GHRL: variants seen among roughly 807,000 people sequenced by gnomAD.
GHRL encodes appetite-regulating hormone.
Under a neutral mutation model 16.9 loss-of-function variants are expected in GHRL, and 24 were observed. The ratio of observed to expected loss-of-function variants is 1.42; its 90% CI spans 1.03 to 2.00. The LOEUF (loss-of-function observed/expected upper bound fraction) is 2.00. GHRL is among the 30% of genes most tolerant of loss of function. The pLI is 0.00. For missense variants in GHRL, 193 were observed against 142.1 expected, an observed-to-expected ratio of 1.36 and a Z score of -1.82; for synonymous variants, 63 against 58.2, an observed-to-expected ratio of 1.08 and a Z score of -0.37.
chr3:10,292,882 G>T lies in GHRL; in HGVS notation c.-806C>A. ...CTCTCCGGGCACAGCTGCCAATGTT[G>T]ATCTTAGATAAGACCACCAGCAAGT... is the stretch of plus-strand genomic sequence containing the variant. On this transcript the variant is annotated 5_prime_UTR_variant, in exon 1 of 6. The change creates a premature stop within an existing upstream ORF in the 5' untranslated region. Coordinates refer to ENST00000335542, the MANE Select transcript of GHRL (RefSeq NM_016362.5). 6.5e-7 allele frequency: 1 copy of T among 1,549,250 alleles called. No homozygotes were observed. The highest frequency in any genetic ancestry group is 8.7e-7 in the Non-Finnish European group (1 of 1,145,550).
intron 5 of GHRL, 52 bp downstream of exon 5, chr3:10,286,651 TC>T: frequency 1.1e-6 from 1 of 914,628 alleles, no homozygotes; most frequent in Non-Finnish European, 1.8e-6. Flanking sequence ...CAGAGTGAAC[TC>T]CCATGTGGGG....
In GHRL at chr3:10,285,697, G is replaced by A. The variant is rs980551343; in HGVS notation, c.*178C>T. 1.4e-5 allele frequency: 8 copies of A among 556,270 alleles called. No homozygotes were observed. The African/African-American group carries it at 1.5e-4, about 11-fold the overall frequency. The allele number at this position is 556,270 out of a possible 1,614,324, so 34.5% of individuals were successfully genotyped here. A position where few individuals can be genotyped will look rare whatever the true frequency, so the allele number is the denominator to read the frequency against. Reference sequence around the variant, plus strand: ...TTTGTATTATTTTGATTTTTTTAAAGTAAAATATTAACTTTTCCTCTTTGA... The same window carrying A: ...TTTGTATTATTTTGATTTTTTTAAAATAAAATATTAACTTTTCCTCTTTGA... On this transcript the variant is annotated 3_prime_UTR_variant, in exon 6 of 6. Transcript: ENST00000335542.
chr3:10,290,154 G>T lies in GHRL; in HGVS notation c.27C>A (p.Ser9Arg). 2.5e-6 allele frequency: 4 copies of T among 1,612,712 alleles called. No individual in the cohort carries two copies. Among genetic ancestry groups the T allele is most frequent in the Non-Finnish European group, 3.4e-6 (4 of 1,179,738 alleles). Residue 9 changes from serine (S) to arginine (R), a missense_variant, in exon 3 of 6, where the codon AGC becomes AGA. Physicochemically the swap from Ser to Arg is moderately radical, Grantham distance 110. Transcript: ENST00000335542. Reference sequence around the variant, plus strand: ...GCCAGAGCATGCCGAGGAGCAGGAGGCTGCAGACGGTCCCTGGGGAGGGCA... The same window carrying T: ...GCCAGAGCATGCCGAGGAGCAGGAGTCTGCAGACGGTCCCTGGGGAGGGCA... MPSPGTVCSLLLLGMLWLD... is the reference protein window; with the variant it reads MPSPGTVCRLLLLGMLWLD...
intron 1 of GHRL, 102 bp from the exon 2 acceptor site, chr3:10,291,553 G>A (rs1700024202): frequency 2.7e-6 from 2 of 754,636 alleles, no homozygotes; most frequent in South Asian, 1.2e-4. Flanking sequence ...GTCTTTGAGG[G>A]TGAAATGAGG....
rs1334521160 is a variant in GHRL, at chr3:10,290,130, C to T, written c.51G>A (p.Trp17Ter). 6.2e-7 allele frequency: 1 copy of T among 1,613,386 alleles called. No homozygotes were observed. Among genetic ancestry groups the T allele is most frequent in the Admixed American group, 1.7e-5 (1 of 59,978 alleles). ...TGGAGCCTGCCATGGCCAAGTCCAG[C>T]CAGAGCATGCCGAGGAGCAGGAGGC... Reference protein sequence around the residue: ...VCSLLLLGMLWLDLAMAGSSF... With the variant: ...VCSLLLLGML Residue 17 changes from tryptophan to a stop codon, truncating the protein, a stop_gained, in exon 3 of 6, where the codon TGG becomes TGA. Coordinates refer to ENST00000335542, the MANE Select transcript of GHRL (RefSeq NM_016362.5). LOFTEE classifies it high-confidence loss of function.
At position 10,289,862 on chromosome 3, in the gene GHRL, T is replaced by C. The variant is rs2125211971; in HGVS notation, c.125A>G (p.Lys42Arg). 1 of 1,612,924 alleles carries C rather than the reference T, an allele frequency of 6.2e-7. No individual in the cohort carries two copies. The highest frequency in any genetic ancestry group is 2.2e-5 in the East Asian group (1 of 44,860). ...GGGCTGCAGCTTGGCTGGTGGCTTCTTCGACTCCTTTCTCTGCTGGAAGGG... is the reference window on the plus strand; with the variant it reads ...GGGCTGCAGCTTGGCTGGTGGCTTCCTCGACTCCTTTCTCTGCTGGAAGGG... ...HQRVQQRKES[K>R]KPPAKLQPRA... Residue 42 changes from lysine (K) to arginine (R), a missense_variant, in exon 4 of 6, where the codon AAG becomes AGG. Coordinates refer to ENST00000335542, the MANE Select transcript of GHRL (RefSeq NM_016362.5).
In GHRL at chr3:10,286,816, G is replaced by C; in HGVS notation, c.226-4C>G. 2 of 1,580,644 alleles carry C rather than the reference G, an allele frequency of 1.3e-6. No individual in the cohort carries two copies. Among genetic ancestry groups the C allele is most frequent in the Non-Finnish European group, 1.7e-6 (2 of 1,149,478 alleles). On this transcript the variant is annotated splice_region_variant and splice_polypyrimidine_tract_variant and intron_variant, in intron 4 of 5. Coordinates refer to ENST00000335542, the MANE Select transcript of GHRL (RefSeq NM_016362.5). ...CAACATCAAAGGGGGCGTTGAACTA[G>C]GAGGCAGGGCAGGGAGGACCCAGGA... is the stretch of plus-strand genomic sequence containing the variant.
At position 10,291,105 on chromosome 3, in the gene GHRL, G is replaced by A. The variant is rs1358038852; in HGVS notation, c.-419C>T. 2.0e-6 allele frequency: 2 copies of A among 985,634 alleles called. No homozygotes were observed. The highest frequency in any genetic ancestry group is 3.5e-5 in the African/African-American group (2 of 57,238). The allele number at this position is 985,634 out of a possible 1,614,324, so 61.1% of individuals were successfully genotyped here. On this transcript the variant is annotated 5_prime_UTR_variant, in exon 2 of 6. Transcript: ENST00000335542. ...GGGTAAAATGAGGCTGTCATCACTA[G>A]GAGAGCTCTGAGACCTCCCCAGTCC...
chr3:10,292,346 G>C (rs1458691651), intron 1 of GHRL: 1 of 163,578 alleles, frequency 6.1e-6, no homozygotes, highest in Non-Finnish European at 1.3e-5. Context: ...CGCTGAACAG[G>C]ATGGAATTGG....
At chr3:10,286,647 G>T in intron 5 of GHRL, 57 bp downstream of exon 5, 1 of 881,208 alleles carries the variant, frequency 1.1e-6, no homozygotes, top group South Asian at 1.3e-5. Flanking sequence ...CCCACAGAGT[G>T]AACTCCCATG....
intron 4 of GHRL, chr3:10,287,970 C>G (rs796716791): frequency 6.9e-6 from 1 of 144,102 alleles, no homozygotes; most frequent in Non-Finnish European, 1.5e-5. Context: ...CCATTCCCTC[C>G]AGTAAATACT....
Position 10,290,705 on chromosome 3 carries a change from A to G in GHRL, c.-30+11T>C, listed in dbSNP as rs1380807578. The G allele has an allele frequency of 2.0e-6, 2 of 1,005,022 alleles. No homozygotes were observed. Among genetic ancestry groups the G allele is most frequent in the East Asian group, 9.5e-5 (1 of 10,544 alleles). 62.3% of individuals were successfully genotyped at this position (1,005,022 alleles called of 1,614,324 possible). A position where few individuals can be genotyped will look rare whatever the true frequency, so the allele number is the denominator to read the frequency against. On this transcript the variant is annotated intron_variant, in intron 2 of 5. Coordinates refer to ENST00000335542, the MANE Select transcript of GHRL (RefSeq NM_016362.5). ...GTCAGCAAACGCACACGGAGAGTAGAGAGAGCTTACCTGCAGTTCCTGGCG... is the reference window on the plus strand; with the variant it reads ...GTCAGCAAACGCACACGGAGAGTAGGGAGAGCTTACCTGCAGTTCCTGGCG...
rs565574685 is a variant in GHRL at position 10,291,224 on chromosome 3, C to A, written c.-538G>T. The A allele has an allele frequency of 4.1e-6, 4 of 985,430 alleles. No individual in the cohort carries two copies. The African/African-American group carries it at 7.0e-5, about 17-fold the overall frequency. 61.0% of individuals were successfully genotyped at this position (985,430 alleles called of 1,614,324 possible). A position where few individuals can be genotyped will look rare whatever the true frequency, so the allele number is the denominator to read the frequency against. On this transcript the variant is annotated 5_prime_UTR_variant, in exon 2 of 6. Coordinates refer to ENST00000335542, the MANE Select transcript of GHRL (RefSeq NM_016362.5). ...CCAGGCTGGTGATTCTACACCTTCC[C>A]GAGGAGGAGTCCCACCTCCCGGTTG...
chr3:10,291,161 T>A lies in GHRL; in HGVS notation c.-475A>T. On this transcript the variant is annotated 5_prime_UTR_variant, in exon 2 of 6. Coordinates refer to ENST00000335542, the MANE Select transcript of GHRL (RefSeq NM_016362.5). ...CCCGTTGTTTCCCATGTGCTGTTGC[T>A]GCTCTGGCCTCTGTGAGCCCCGGGA... is the stretch of plus-strand genomic sequence containing the variant. 2.0e-6 allele frequency: 2 copies of A among 985,680 alleles called. No individual in the cohort carries two copies. Among genetic ancestry groups the A allele is most frequent in the Non-Finnish European group, 1.2e-6 (1 of 830,092 alleles). The allele number at this position is 985,680 out of a possible 1,614,324, so 61.1% of individuals were successfully genotyped here. A position where few individuals can be genotyped will look rare whatever the true frequency, so the allele number is the denominator to read the frequency against.
At chr3:10,290,009 C>T (rs1699724962) in intron 3 of GHRL, 64 bp downstream of exon 3, 1 of 1,588,786 alleles carries the variant, frequency 6.3e-7, no homozygotes, top group African/African-American at 1.3e-5. Flanking sequence ...TGCTCCAGGT[C>T]ACAGAGCTGG....
At chr3:10,289,977 T>C in intron 3 of GHRL, 96 bp downstream of exon 3, 1 of 1,522,808 alleles carries the variant, frequency 6.6e-7, no homozygotes, top group Non-Finnish European at 9.1e-7. Flanking sequence ...GGGAGAAGAC[T>C]GAAGCCCAGA....
intron 3 of GHRL, 86 bp from the exon 4 acceptor site, chr3:10,289,964 T>C (rs1699718825): frequency 6.6e-7 from 1 of 1,511,420 alleles, no homozygotes; most frequent in Non-Finnish European, 9.1e-7. Flanking sequence ...TCCTTTGTGC[T>C]CTGGGAGAAG....
intron 2 of GHRL, 70 bp downstream of exon 2, chr3:10,290,646 A>T: frequency 1.2e-6 from 1 of 805,954 alleles, no homozygotes; most frequent in Non-Finnish European, 1.5e-6. Flanking sequence ...CAGAGAGGTT[A>T]AACGGACGGG....
At position 10,285,731 on chromosome 3, in the gene GHRL, C is replaced by A. The variant is rs994361172; in HGVS notation, c.*144G>T. 1 of 600,972 alleles carries A rather than the reference C, an allele frequency of 1.7e-6. No individual in the cohort carries two copies. The highest frequency in any genetic ancestry group is 2.4e-5 in the South Asian group (1 of 41,592). The allele number at this position is 600,972 out of a possible 1,614,324, so 37.2% of individuals were successfully genotyped here. ...TAACTTTTCCTCTTTGAAATAAATT[C>A]CCATTTGGAACATCAGCATACAGTT... On this transcript the variant is annotated 3_prime_UTR_variant, in exon 6 of 6. Transcript: ENST00000335542.
Sources: gnomAD v4.1 joint callset for allele counts on GRCh38, gnomAD v4.1.1 for gene constraint, MANE v1.5 for transcripts, NCBI Gene and HGNC (gene_info 2026-07-23, HGNC 2026-07-21) for gene names.